LCN15: variants seen among roughly 807,000 people sequenced by gnomAD.
LCN15 encodes lipocalin-15.
A neutral mutation model predicts 23.1 loss-of-function variants in LCN15; 26 were observed. The ratio of observed to expected loss-of-function variants is 1.13; its 90% CI spans 0.82 to 1.56. The LOEUF (loss-of-function observed/expected upper bound fraction) is 1.56, where lower values mean the gene tolerates loss of function less well. Ranked by LOEUF, LCN15 falls within the 40% of genes most tolerant of loss-of-function variation. The probability of loss-of-function intolerance (pLI) is 0.00; values close to 1 mark genes in which losing one functional copy is unlikely to be tolerated. For synonymous variants in LCN15, 107 were observed against 98.3 expected (o/e 1.09, Z -0.52); for missense variants, 241 against 239.5 (o/e 1.01, Z -0.04).
At chr9:136,760,310 G>T (rs10870120) in intron 6 of LCN15, among the ~76,000 whole-genome samples, 82,698 of 152,098 alleles carry the variant, frequency 0.54, 23,718 homozygotes, top group East Asian at 0.71. Flanking sequence ...CCCAGCGGGG[G>T]TGTGCAGGGA....
At chr9:136,764,193 C>T in intron 1 of LCN15, 184 bp from the exon 2 acceptor site, 1 of 827,924 alleles carries the variant, frequency 1.2e-6, no homozygotes. Context: ...AACTGTGAGC[C>T]TCAGTTCCCA....
Position 136,761,918 on chromosome 9 carries a change from C to CAACCCCT in LCN15, c.521-72_521-66dup, listed in dbSNP as rs1847321975. On this transcript the variant is annotated intron_variant, in intron 5 of 6. Coordinates refer to ENST00000316144, the MANE Select transcript of LCN15 (RefSeq NM_203347.2). The surrounding 1 kb of genome is among the most constrained non-coding windows in gnomAD (Gnocchi z 4.2). The stretch of plus-strand genomic sequence containing the variant: ...GACCGCCCTCGCTTCCCGCAGCCCC[C>CAACCCCT]AACCCCTGGGTGCCAAGGGCCACTG... The CAACCCCT allele has an allele frequency of 7.8e-7, 1 of 1,281,062 alleles. No homozygotes were observed. The highest frequency in any genetic ancestry group is 3.1e-5 in the East Asian group (1 of 31,938). 79.4% of individuals were successfully genotyped at this position (1,281,062 alleles called of 1,614,324 possible). A position where few individuals can be genotyped will look rare whatever the true frequency, so the allele number is the denominator to read the frequency against.
Position 136,763,923 on chromosome 9 carries a change from C to T in LCN15, c.183G>A (p.Arg61=). The part of the protein sequence containing the change: ...GKKDHLSMST[R]AIRPTEEGGL... Reference sequence around the variant, plus strand: ...CGCCCTCCTCTGTGGGCCTGATGGCCCTGGTGGACATGGACAGGTGGTCCT... The same window carrying T: ...CGCCCTCCTCTGTGGGCCTGATGGCTCTGGTGGACATGGACAGGTGGTCCT... The change falls in exon 2 of 7, where the codon AGG becomes AGA. Residue 61 remains arginine, a synonymous_variant. Coordinates refer to ENST00000316144, the MANE Select transcript of LCN15 (RefSeq NM_203347.2). 6.2e-7 allele frequency: 1 copy of T among 1,613,700 alleles called. No individual in the cohort carries two copies. The highest frequency in any genetic ancestry group is 8.5e-7 in the Non-Finnish European group (1 of 1,179,988).
chr9:136,761,744 G>A lies in LCN15; in HGVS notation c.*32+43C>T. On this transcript the variant is annotated intron_variant, in intron 6 of 6. Transcript: ENST00000316144. The surrounding 1 kb of genome is among the most constrained non-coding windows in gnomAD (Gnocchi z 4.2). Reference sequence around the variant, plus strand: ...AGATGTCAAGCTGCGATAGGGAGGGGAGAGGCAACCAGGGCATCCCCTGCA... The same window carrying A: ...AGATGTCAAGCTGCGATAGGGAGGGAAGAGGCAACCAGGGCATCCCCTGCA... The A allele has an allele frequency of 1.0e-6, 1 of 999,322 alleles. No individual in the cohort carries two copies. Among genetic ancestry groups the A allele is most frequent in the Middle Eastern group, 2.2e-4 (1 of 4,470 alleles). 61.9% of individuals were successfully genotyped at this position (999,322 alleles called of 1,614,324 possible). A position where few individuals can be genotyped will look rare whatever the true frequency, so the allele number is the denominator to read the frequency against.
Position 136,763,720 on chromosome 9 carries a change from T to G in LCN15, c.300A>C (p.Arg100Ser). Residue 100 changes from arginine to serine, a missense_variant, in exon 3 of 7, where the codon AGA becomes AGC. Transcript: ENST00000316144. ...AGAGGAGGCAGGACCTACCCGGGAC[T>G]CTGAAGTGTCCCTCGGAGCCCACCT... is the stretch of plus-strand genomic sequence containing the variant. ...YLKVGSEGHFRVPALGYLDVR... is the reference protein window; with the variant it reads ...YLKVGSEGHFSVPALGYLDVR... The G allele has an allele frequency of 6.2e-7, 1 of 1,613,302 alleles. No individual in the cohort carries two copies. Among genetic ancestry groups the G allele is most frequent in the South Asian group, 1.1e-5 (1 of 91,086 alleles).
In LCN15 at chr9:136,761,969, G is replaced by T; in HGVS notation, c.521-116C>A. On this transcript the variant is annotated intron_variant, in intron 5 of 6. Coordinates refer to ENST00000316144, the MANE Select transcript of LCN15 (RefSeq NM_203347.2). The surrounding 1 kb of genome is among the most constrained non-coding windows in gnomAD (Gnocchi z 4.2). Reference sequence around the variant, plus strand: ...GACAGCTCCACCATCCCCAGAGAGTGGAGCCCAGAGCTTCCCTCCCAGCGC... The same window carrying T: ...GACAGCTCCACCATCCCCAGAGAGTTGAGCCCAGAGCTTCCCTCCCAGCGC... 1 of 898,854 alleles carries T rather than the reference G, an allele frequency of 1.1e-6. No individual in the cohort carries two copies. The highest frequency in any genetic ancestry group is 3.9e-5 in the Admixed American group (1 of 25,476). The allele number at this position is 898,854 out of a possible 1,614,324, so 55.7% of individuals were successfully genotyped here.
Position 136,761,924 on chromosome 9 carries a change from C to T in LCN15, c.521-71G>A. 2 of 1,251,390 alleles carry T rather than the reference C, an allele frequency of 1.6e-6. No individual in the cohort carries two copies. Among genetic ancestry groups the T allele is most frequent in the South Asian group, 2.4e-5 (1 of 42,374 alleles). The allele number at this position is 1,251,390 out of a possible 1,614,324, so 77.5% of individuals were successfully genotyped here. On this transcript the variant is annotated intron_variant, in intron 5 of 6. Transcript: ENST00000316144. This position sits in a 1 kb window ranked among gnomAD's most constrained non-coding sequence, Gnocchi z 4.2. ...CCTCGCTTCCCGCAGCCCCCAACCC[C>T]TGGGTGCCAAGGGCCACTGGACAGC...
intron 5 of LCN15, 134 bp downstream of exon 5, chr9:136,762,054 G>T (rs1847323671): frequency 1.3e-6 from 1 of 749,124 alleles, no homozygotes. Context: ...TGCAGGGGCT[G>T]CCAGCCCACC....
At chr9:136,760,893 G>A (rs1393584885) in intron 6 of LCN15, among the ~76,000 whole-genome samples, 8 of 152,216 alleles carry the variant, frequency 5.3e-5, no homozygotes, top group African/African-American at 1.2e-4. Flanking sequence ...ATTTGGAAAC[G>A]GTCTTTGCAG....
chr9:136,763,553 G>C (rs753137111), intron 3 of LCN15, 86 bp from the exon 4 acceptor site: 600 of 1,243,954 alleles, frequency 4.8e-4, no homozygotes, highest in Non-Finnish European at 6.0e-4. Context: ...CTGCTGCTGG[G>C]CTGTGAGCCT....
At chr9:136,762,144 G>A (rs767159393) in intron 5 of LCN15, 44 bp downstream of exon 5, 1 of 1,210,032 alleles carries the variant, frequency 8.3e-7, no homozygotes, top group Non-Finnish European at 1.2e-6. Flanking sequence ...GGGAAGGGAG[G>A]GAGAGGCTGG....
intron 4 of LCN15, 65 bp from the exon 5 acceptor site, chr9:136,762,354 C>T: frequency 1.1e-6 from 1 of 905,868 alleles, no homozygotes; most frequent in Non-Finnish European, 1.8e-6. Context: ...GGTCTCCTGG[C>T]CTCACTCCAC....
At position 136,763,448 on chromosome 9, in the gene LCN15, C is replaced by T. The variant is rs11145872; in HGVS notation, c.327G>A (p.Val109=). ...AGCTGTAGTCTGTGTCCACGATGCG[C>T]ACGTCCAGGTAGCCCAAGGCTGCGG... ...FRVPALGYLD[V]RIVDTDYSSF... The change falls in exon 4 of 7, where the codon GTG becomes GTA. Residue 109 remains valine, a synonymous_variant. Transcript: ENST00000316144. 1 of 1,608,688 alleles carries T rather than the reference C, an allele frequency of 6.2e-7. No individual in the cohort carries two copies. Among genetic ancestry groups the T allele is most frequent in the East Asian group, 2.2e-5 (1 of 44,868 alleles).
In LCN15 at chr9:136,763,571, G is replaced by C; in HGVS notation, c.308-104C>G. 3 of 1,125,432 alleles carry C rather than the reference G, an allele frequency of 2.7e-6. No homozygotes were observed. In the South Asian group the frequency reaches 4.3e-5, roughly 16 times the overall value. 69.7% of individuals were successfully genotyped at this position (1,125,432 alleles called of 1,614,324 possible). ...CTGCTGGGCTGTGAGCCTGTTCCCCGAAGACAGAGGAGGGGCGGGGAGGGC... is the reference window on the plus strand; with the variant it reads ...CTGCTGGGCTGTGAGCCTGTTCCCCCAAGACAGAGGAGGGGCGGGGAGGGC... On this transcript the variant is annotated intron_variant, in intron 3 of 6. Transcript: ENST00000316144.
chr9:136,764,352 C>T, intron 1 of LCN15, 41 bp downstream of exon 1: 2 of 1,565,040 alleles, frequency 1.3e-6, no homozygotes, highest in Non-Finnish European at 1.7e-6. Flanking sequence ...TGGCAGGGGC[C>T]CAGCTCCCAC....
Position 136,762,189 on chromosome 9 carries a change from T to C in LCN15, c.519A>G (p.Ser173=), listed in dbSNP as rs1278647942. 2 of 1,571,678 alleles carry C rather than the reference T, an allele frequency of 1.3e-6. No homozygotes were observed. The highest frequency in any genetic ancestry group is 1.7e-6 in the Non-Finnish European group (2 of 1,160,102). The stretch of plus-strand genomic sequence containing the variant: ...GGTGGGCGGGGCTTGCCAGGGTACC[T>C]GACTGGGGCAGCATGACCATCATGT... ...PKDMMVMLPQ[S]DACNPESKEA... is the part of the protein sequence containing the mutation. The change falls in exon 5 of 7, where the codon TCA becomes TCG. Residue 173 remains serine (S), a splice_region_variant and synonymous_variant. Coordinates refer to ENST00000316144, the MANE Select transcript of LCN15 (RefSeq NM_203347.2).
At position 136,761,981 on chromosome 9, in the gene LCN15, TTCCC is replaced by T. The variant is rs1847322825; in HGVS notation, c.521-132_521-129del. 1.2e-6 allele frequency: 1 copy of T among 852,102 alleles called. No individual in the cohort carries two copies. Among genetic ancestry groups the T allele is most frequent in the East Asian group, 3.3e-5 (1 of 30,672 alleles). The allele number at this position is 852,102 out of a possible 1,614,324, so 52.8% of individuals were successfully genotyped here. A position where few individuals can be genotyped will look rare whatever the true frequency, so the allele number is the denominator to read the frequency against. On this transcript the variant is annotated intron_variant, in intron 5 of 6. Transcript: ENST00000316144. The surrounding 1 kb of genome is among the most constrained non-coding windows in gnomAD (Gnocchi z 4.2). ...ATCCCCAGAGAGTGGAGCCCAGAGC[TTCCC>T]TCCCAGCGCTGCCCAAAGCCTCTCC... is the stretch of plus-strand genomic sequence containing the variant.
intron 6 of LCN15, among the ~76,000 whole-genome samples, chr9:136,760,468 C>T (rs571365640): frequency 7.6e-4 from 115 of 152,270 alleles, no homozygotes; most frequent in Non-Finnish European, 1.2e-3. Context: ...ACGGCAGAAA[C>T]GCAGGAGAAA....
intron 4 of LCN15, among the ~76,000 whole-genome samples, chr9:136,762,627 C>T (rs1417954735): frequency 6.6e-6 from 1 of 152,042 alleles, no homozygotes; most frequent in East Asian, 1.9e-4. Context: ...CCCCAGCCGG[C>T]GCGGTGGCTC....
Sources: gnomAD v4.1 joint callset for allele counts (sites outside exome capture counted in the v4.1 genomes callset) on GRCh38, gnomAD v4.1.1 for gene constraint, Gnocchi (gnomAD v3.1) non-coding constraint, MANE v1.5 for transcripts, NCBI Gene and HGNC (gene_info 2026-07-23, HGNC 2026-07-21) for gene names.